Variants in DNAH3 observed in about 807,000 individuals in gnomAD.
DNAH3 encodes axonemal beta dynein heavy chain 3.
Under a neutral mutation model 432.5 loss-of-function variants are expected in DNAH3, and 332 were observed. The observed-to-expected ratio is 0.77, with a 90% CI of 0.70 to 0.84. DNAH3 has a LOEUF of 0.84. Among genes scored for constraint, DNAH3 ranks in the 40% least tolerant of loss-of-function variants. The pLI, the probability that DNAH3 is intolerant of heterozygous loss-of-function variation, is 0.00. For synonymous variants in DNAH3, 1,956 were observed against 1,900.2 expected (o/e 1.03, Z -0.76); for missense variants, 4,861 against 5,114.0 (o/e 0.95, Z 1.51).
exon 4 of DNAH3, chr16:21,141,311 C>T (rs2092715744): frequency 6.3e-7 from 1 of 1,588,206 alleles, no homozygotes; most frequent in Non-Finnish European, 8.6e-7. Context: ...TAGTGGAATC[C>T]TCTTTGTTTC....
chr16:21,023,980 G>A (rs911082694), intron 39 of DNAH3, among the ~76,000 whole-genome samples: 1 of 152,122 alleles, frequency 6.6e-6, no homozygotes, highest in African/African-American at 2.4e-5. Flanking sequence ...ACTTTCCTAA[G>A]CATTCTATTA....
chr16:21,069,388 A>G (rs1408724094), intron 23 of DNAH3, 27 bp downstream of exon 23: 1 of 1,590,952 alleles, frequency 6.3e-7, no homozygotes, highest in Non-Finnish European at 8.6e-7. Flanking sequence ...TTCTGCTGGT[A>G]AGAGTTATTA....
chr16:20,937,709 A>G (rs2083647839), intron 59 of DNAH3, among the ~76,000 whole-genome samples: 1 of 151,524 alleles, frequency 6.6e-6, no homozygotes, highest in Non-Finnish European at 1.5e-5. Flanking sequence ...TTTTTTAAGT[A>G]GAGACAAGGT....
chr16:21,005,019 A>G (rs1280563154), intron 41 of DNAH3, among the ~76,000 whole-genome samples: 1 of 152,112 alleles, frequency 6.6e-6, no homozygotes, highest in African/African-American at 2.4e-5. Context: ...TTATATTTCA[A>G]TAGATTCACT....
At chr16:21,037,431 A>G (rs1017082352) in intron 34 of DNAH3, among the ~76,000 whole-genome samples, 2 of 152,246 alleles carry the variant, frequency 1.3e-5, no homozygotes, top group Non-Finnish European at 2.9e-5. Flanking sequence ...ACAAGATAGT[A>G]ATGACTTCTG....
chr16:21,107,046 G>A (rs72780865), intron 14 of DNAH3, among the ~76,000 whole-genome samples: 25,293 of 151,490 alleles, frequency 0.17, 2,509 homozygotes, highest in South Asian at 0.24. Flanking sequence ...TAACATTATC[G>A]AAAGCAACAT....
intron 1 of DNAH3, among the ~76,000 whole-genome samples, chr16:21,152,527 A>C (rs534964817): frequency 1.3e-5 from 2 of 152,372 alleles, no homozygotes; most frequent in South Asian, 4.1e-4. Context: ...CCACCGCTGC[A>C]CTGTGAGAGC....
intron 16 of DNAH3, among the ~76,000 whole-genome samples, chr16:21,099,027 A>G (rs2091767673): frequency 6.6e-6 from 1 of 152,156 alleles, no homozygotes; most frequent in Non-Finnish European, 1.5e-5. Flanking sequence ...ACATTTCCAG[A>G]TATTTTCCTG....
chr16:20,948,929 T>C (rs1205573944), intron 56 of DNAH3, among the ~76,000 whole-genome samples: 1 of 151,890 alleles, frequency 6.6e-6, no homozygotes, highest in Non-Finnish European at 1.5e-5. Context: ...CCACAACCCA[T>C]GCCCATCAAA....
chr16:21,024,567 A>G, intron 39 of DNAH3, 29 bp downstream of exon 39: 2 of 1,507,884 alleles, frequency 1.3e-6, no homozygotes, highest in Non-Finnish European at 1.8e-6. Context: ...AGACAGCAGG[A>G]GGGGAAGGAA....
Position 20,988,084 on chromosome 16 carries a change from A to C in DNAH3, c.6602-19T>G. On this transcript the variant is annotated intron_variant, in intron 44 of 61. Coordinates refer to ENST00000261383, the Ensembl canonical transcript of DNAH3. ...AATCGTCCTGGGGAATACAACACACAAGTGAATCATCCTGGAAAACACATA... is the reference window on the plus strand; with the variant it reads ...AATCGTCCTGGGGAATACAACACACCAGTGAATCATCCTGGAAAACACATA... The C allele has an allele frequency of 2.5e-6, 4 of 1,613,212 alleles. No homozygotes were observed. Among genetic ancestry groups the C allele is most frequent in the Non-Finnish European group, 3.4e-6 (4 of 1,179,884 alleles).
At position 21,071,048 on chromosome 16, in the gene DNAH3, AT is replaced by A. The variant is rs984738756; in HGVS notation, c.3085-223del. ...TACAGGCATATGCCACCATGCCTGG[AT>A]TTTTTTTTTTAAGACAGAGTTTCAC... On this transcript the variant is annotated intron_variant, in intron 21 of 61. Coordinates refer to ENST00000261383, the Ensembl canonical transcript of DNAH3. Among the ~76,000 whole-genome samples, 1,163 of 145,454 alleles carry A rather than the reference AT, an allele frequency of 8.0e-3. 24 individuals carry two copies. The highest frequency in any genetic ancestry group is 0.027 in the African/African-American group (1,070 of 39,662).
At chr16:20,982,595 A>G (rs778793344) in intron 49 of DNAH3, 126 bp downstream of exon 49, 33 of 717,030 alleles carry the variant, frequency 4.6e-5, no homozygotes, top group Non-Finnish European at 6.2e-5. Flanking sequence ...CTGTGATTCA[A>G]TTTAAAAGCA....
chr16:21,042,005 A>G (rs745777696), intron 32 of DNAH3, 22 bp downstream of exon 32: 2 of 1,613,340 alleles, frequency 1.2e-6, no homozygotes, highest in Non-Finnish European at 1.7e-6. Context: ...CACACCCCAC[A>G]TGTATATCTG....
exon 41 of DNAH3, chr16:21,019,868 A>C (rs765251971): frequency 6.2e-7 from 1 of 1,613,742 alleles, no homozygotes; most frequent in Non-Finnish European, 8.5e-7. Context: ...CCCTGATTTC[A>C]TCTAAAAGTG....
intron 7 of DNAH3, among the ~76,000 whole-genome samples, chr16:21,131,899 A>G (rs953178552): frequency 6.6e-6 from 1 of 151,826 alleles, no homozygotes; most frequent in African/African-American, 2.4e-5. Flanking sequence ...AGGAAGAGAG[A>G]AAGAAAGAAA....
chr16:21,043,079 C>T (rs2089520808), intron 31 of DNAH3, among the ~76,000 whole-genome samples: 1 of 152,088 alleles, frequency 6.6e-6, no homozygotes, highest in South Asian at 2.1e-4. Flanking sequence ...CATTGTTGGA[C>T]ATTTGGGTTG....
Position 21,059,814 on chromosome 16 carries a change from C to G in DNAH3, c.3813+450G>C, listed in dbSNP as rs1369944700. On this transcript the variant is annotated intron_variant, in intron 26 of 61. Transcript: ENST00000261383. ...AAGAAGAAAGAGAGCTAGAGTCGCTCAACGTGAATGTGACTACAGGCTGGG... is the reference window on the plus strand; with the variant it reads ...AAGAAGAAAGAGAGCTAGAGTCGCTGAACGTGAATGTGACTACAGGCTGGG... 2.6e-5 allele frequency among the ~76,000 whole-genome samples: 4 copies of G among 151,630 alleles called. No homozygotes were observed. In the East Asian group the frequency reaches 7.7e-4, roughly 29 times the overall value.
intron 40 of DNAH3, 41 bp downstream of exon 40, chr16:21,021,930 C>T: frequency 6.2e-7 from 1 of 1,607,296 alleles, no homozygotes; most frequent in Non-Finnish European, 8.5e-7. Flanking sequence ...CCAAGGTAGA[C>T]CCACCCCCCA....
Sources: allele counts gnomAD v4.1 joint callset (sites outside exome capture counted in the v4.1 genomes callset), GRCh38; gene constraint gnomAD v4.1.1; transcripts MANE v1.5; gene names NCBI Gene and HGNC (gene_info 2026-07-23, HGNC 2026-07-21).